Variants in SNX29 observed in about 807,000 individuals in gnomAD.
The protein encoded by SNX29 is sorting nexin 29, also known as sorting nexin-29.
In SNX29, 78 loss-of-function variants were observed where a neutral mutation model predicts 102.1. The observed-to-expected ratio is 0.76, with a 90% CI of 0.64 to 0.92. The LOEUF is 0.92. Ranked by LOEUF, SNX29 falls within the 40% of genes least tolerant of loss-of-function variation. The probability of loss-of-function intolerance (pLI) is 0.00; values close to 1 mark genes in which losing one functional copy is unlikely to be tolerated. For synonymous variants in SNX29, 580 were observed against 414.5 expected, an observed-to-expected ratio of 1.40 and a Z score of -4.85; for missense variants, 1,280 against 1,061.7, an observed-to-expected ratio of 1.21 and a Z score of -2.86.
intron 3 of SNX29, among the ~76,000 whole-genome samples, chr16:12,006,904 CCA>C (rs1431906662): frequency 1.3e-5 from 2 of 152,296 alleles, no homozygotes; most frequent in African/African-American, 4.8e-5. Flanking sequence ...CAGGTATGAG[CCA>C]CACTGTGCCT....
chr16:11,996,953 G>T (rs1300237958), intron 1 of SNX29, among the ~76,000 whole-genome samples: 4 of 152,104 alleles, frequency 2.6e-5, no homozygotes, highest in Non-Finnish European at 5.9e-5. Flanking sequence ...TTGTTTTATT[G>T]TGTGTCTCAA....
intron 20 of SNX29, among the ~76,000 whole-genome samples, chr16:12,543,287 G>A (rs774115830): frequency 1.8e-4 from 28 of 152,178 alleles, no homozygotes; most frequent in Non-Finnish European, 3.2e-4. Flanking sequence ...ATCTGGGTCC[G>A]TGCCTGTGGC....
chr16:12,106,991 T>A (rs1406056895), intron 11 of SNX29, among the ~76,000 whole-genome samples: 2 of 151,858 alleles, frequency 1.3e-5, no homozygotes, highest in East Asian at 1.9e-4. Context: ...AATTTTGAAA[T>A]TTTTTTTGTA....
chr16:12,296,610 C>A (rs536070326), intron 15 of SNX29, among the ~76,000 whole-genome samples: 1 of 152,288 alleles, frequency 6.6e-6, no homozygotes, highest in South Asian at 2.1e-4. Context: ...ACTTTATTTA[C>A]CAAAACAGGC....
intron 4 of SNX29, among the ~76,000 whole-genome samples, chr16:12,030,236 C>G (rs1596639560): frequency 6.6e-6 from 1 of 152,152 alleles, no homozygotes; most frequent in South Asian, 2.1e-4. Flanking sequence ...TGTTTGGATT[C>G]CTTGGTGAAG....
chr16:12,406,554 G>C (rs1460490897), intron 18 of SNX29, among the ~76,000 whole-genome samples: 1 of 152,220 alleles, frequency 6.6e-6, no homozygotes, highest in Non-Finnish European at 1.5e-5. Flanking sequence ...TGGTACTGGA[G>C]CTGCGCTGTC....
chr16:12,146,100 G>T (rs1567248426), intron 13 of SNX29, among the ~76,000 whole-genome samples: 1 of 152,200 alleles, frequency 6.6e-6, no homozygotes, highest in Non-Finnish European at 1.5e-5. Context: ...GCATTCCTTA[G>T]GGTACTTGGT....
chr16:12,243,332 C>G (rs939854814), intron 14 of SNX29, among the ~76,000 whole-genome samples: 1 of 152,252 alleles, frequency 6.6e-6, no homozygotes, highest in African/African-American at 2.4e-5. Flanking sequence ...CTGGCCCTCG[C>G]TGATCTCTGA....
chr16:12,002,879 G>C, intron 2 of SNX29, 112 bp from the exon 3 acceptor site: 2 of 1,196,728 alleles, frequency 1.7e-6, no homozygotes, highest in East Asian at 2.4e-5. Flanking sequence ...GGCATGCAGA[G>C]CTTCTGGTCC....
At chr16:12,085,249 A>G (rs550740192) in intron 11 of SNX29, among the ~76,000 whole-genome samples, 256 of 152,244 alleles carry the variant, frequency 1.7e-3, no homozygotes, top group Non-Finnish European at 3.2e-3. Context: ...CTGGAATGCT[A>G]TGGGCTTGTT....
chr16:12,206,628 T>C (rs1386932463), intron 14 of SNX29, among the ~76,000 whole-genome samples: 1 of 152,110 alleles, frequency 6.6e-6, no homozygotes, highest in Non-Finnish European at 1.5e-5. Context: ...CCAGCAGCTG[T>C]AGCTTTAGTC....
intron 15 of SNX29, among the ~76,000 whole-genome samples, chr16:12,291,169 T>C (rs41469846): frequency 0.019 from 2,860 of 152,264 alleles, 109 homozygotes; most frequent in African/African-American, 0.066. Flanking sequence ...GACATCATTT[T>C]TGGTAGCTGT....
rs538378490 is a variant in SNX29, at chr16:12,560,163, TCTCA to T, written c.2319-8340_2319-8337del. ...CCCCCCCAACAAACAGTAAAGCCTT[TCTCA>T]CTTTTTTTTAATTCACCATTTAACT... On this transcript the variant is annotated intron_variant, in intron 20 of 20. Transcript: ENST00000566228. Among the ~76,000 whole-genome samples the T allele has an allele frequency of 3.8e-3, 523 of 136,102 alleles. 3 individuals are homozygous for T. Among genetic ancestry groups the T allele is most frequent in the African/African-American group, 0.014 (494 of 35,190 alleles). The allele number at this position is 136,102 out of a possible 152,430, so 89.3% of individuals were successfully genotyped here.
intron 14 of SNX29, among the ~76,000 whole-genome samples, chr16:12,207,975 A>T (rs1247132282): frequency 6.6e-6 from 1 of 152,202 alleles, no homozygotes; most frequent in African/African-American, 2.4e-5. Context: ...TGCTTAATAA[A>T]AATTTGTTAC....
intron 15 of SNX29, among the ~76,000 whole-genome samples, chr16:12,279,859 C>G (rs999815858): frequency 2.0e-5 from 3 of 152,178 alleles, no homozygotes; most frequent in African/African-American, 7.2e-5. Context: ...AATGAAAGTG[C>G]AGGATGAAAG....
chr16:12,560,065 G>C (rs985410942), intron 20 of SNX29, among the ~76,000 whole-genome samples: 2 of 151,964 alleles, frequency 1.3e-5, no homozygotes, highest in Admixed American at 6.5e-5. Flanking sequence ...AGAAAACTAT[G>C]TAACTACTGT....
intron 11 of SNX29, among the ~76,000 whole-genome samples, chr16:12,085,254 C>T (rs1314232831): frequency 1.3e-5 from 2 of 152,138 alleles, no homozygotes; most frequent in Admixed American, 1.3e-4. Context: ...ATGCTATGGG[C>T]TTGTTAAGAA....
At chr16:12,039,528 G>T (rs1211580304) in intron 4 of SNX29, among the ~76,000 whole-genome samples, 1 of 151,872 alleles carries the variant, frequency 6.6e-6, no homozygotes, top group Non-Finnish European at 1.5e-5. Flanking sequence ...TGAAACATTA[G>T]AGTGAATTTA....
intron 16 of SNX29, among the ~76,000 whole-genome samples, chr16:12,395,508 G>C (rs901093254): frequency 6.6e-6 from 1 of 152,206 alleles, no homozygotes; most frequent in African/African-American, 2.4e-5. Flanking sequence ...CTCTAGTAAC[G>C]GGCTTTGCCT....
Sources: allele counts gnomAD v4.1 joint callset (sites outside exome capture counted in the v4.1 genomes callset), GRCh38; gene constraint gnomAD v4.1.1; transcripts MANE v1.5; gene names NCBI Gene and HGNC (gene_info 2026-07-23, HGNC 2026-07-21).